The following CHM variants were observed in gnomAD, a reference collection of about 807,000 sequenced individuals.
The protein encoded by CHM is CHM Rab escort protein, also known as rab proteins geranylgeranyltransferase component A 1.
Under a neutral mutation model 49.0 loss-of-function variants are expected in CHM, and 10 were observed. The ratio of observed to expected loss-of-function variants is 0.20; its 90% CI spans 0.13 to 0.35. CHM has a LOEUF of 0.35. CHM is among the 10% of genes least tolerant of loss of function. The probability of loss-of-function intolerance (pLI) is 1.00; values close to 1 mark genes in which losing one functional copy is unlikely to be tolerated. For synonymous variants in CHM, 184 were observed against 167.5 expected (o/e 1.10, Z -0.76); for missense variants, 455 against 478.4 (o/e 0.95, Z 0.46).
chrX:85,882,316 A>G (rs1924812116), intron 12 of CHM, among the ~76,000 whole-genome samples: 1 of 111,536 alleles, frequency 9.0e-6, no homozygotes, highest in African/African-American at 3.3e-5. Context: ...AACTTGCTCA[A>G]TACAGGCCAA....
At chrX:85,891,964 A>G (rs890761049) in intron 12 of CHM, among the ~76,000 whole-genome samples, 1 of 112,133 alleles carries the variant, frequency 8.9e-6, no homozygotes, top group Admixed American at 9.4e-5. Context: ...TGAGACCTGG[A>G]GTCAAAGGAG....
chrX:85,942,916 T>C (rs56109072), intron 8 of CHM, among the ~76,000 whole-genome samples: 16,927 of 62,165 alleles, frequency 0.27, 2,117 homozygotes, highest in African/African-American at 0.36. Flanking sequence ...CCCCCTCCCC[T>C]CACCCCTCAA....
intron 12 of CHM, among the ~76,000 whole-genome samples, chrX:85,893,808 T>C (rs1268152996): frequency 9.0e-6 from 1 of 111,432 alleles, no homozygotes; most frequent in African/African-American, 3.3e-5. Flanking sequence ...CTATTGTTTA[T>C]TATAAGTTAC....
At chrX:85,901,321 C>A in intron 9 of CHM, 133 bp from the exon 10 acceptor site, 1 of 441,705 alleles carries the variant, frequency 2.3e-6, no homozygotes, top group Non-Finnish European at 3.9e-6. Flanking sequence ...CCTACAATTC[C>A]ATGTTTTCTG....
intron 9 of CHM, among the ~76,000 whole-genome samples, chrX:85,910,970 T>C (rs780462829): frequency 3.3e-4 from 33 of 98,786 alleles, no homozygotes; most frequent in African/African-American, 1.1e-3. Flanking sequence ...AGTTTCTATA[T>C]TCTGAACTCA....
rs775266882 is a variant in CHM at position 85,938,816 on chromosome X, A to ATG, written c.1166+17335_1166+17336dup. ...TTCCGTTGCTATTTTAAGCTGATAT[A>ATG]TGTGTGTGTGTGTGTGTTTTTAATG... On this transcript the variant is annotated intron_variant, in intron 8 of 14. Coordinates refer to ENST00000357749, the MANE Select transcript of CHM (RefSeq NM_000390.4). Among the ~76,000 whole-genome samples, 732 of 109,497 alleles carry ATG rather than the reference A, an allele frequency of 6.7e-3. 4 individuals carry two copies. Among genetic ancestry groups the ATG allele is most frequent in the East Asian group, 0.021 (74 of 3,491 alleles).
intron 2 of CHM, among the ~76,000 whole-genome samples, chrX:85,997,172 G>A (rs1932477399): frequency 9.0e-6 from 1 of 111,554 alleles, no homozygotes; most frequent in South Asian, 3.8e-4. Context: ...AGGGATTATT[G>A]CATTGCGGCC....
Position 85,861,318 on chromosome X carries a change from C to T in CHM, c.*3312G>A, listed in dbSNP as rs1923340049. On this transcript the variant is annotated 3_prime_UTR_variant, in exon 15 of 15. Transcript: ENST00000357749. ...ATTCAATATCAATAGCAGTAAATAA[C>T]TTATTTGCAAGAAAATTATTACAAT... 1 of 111,718 alleles carries T rather than the reference C, an allele frequency of 9.0e-6. No individual in the cohort carries two copies. Among genetic ancestry groups the T allele is most frequent in the Non-Finnish European group, 1.9e-5 (1 of 53,071 alleles). The allele number at this position is 111,718 out of a possible 1,213,427, so 9.2% of individuals were successfully genotyped here. A position where few individuals can be genotyped will look rare whatever the true frequency, so the allele number is the denominator to read the frequency against.
In CHM at chrX:85,884,237, T is replaced by C. The variant is rs190676612; in HGVS notation, c.1511-5174A>G. On this transcript the variant is annotated intron_variant, in intron 12 of 14. Coordinates refer to ENST00000357749, the MANE Select transcript of CHM (RefSeq NM_000390.4). ...GGGGAGGAAAATTTAAGTGGACTTATAGATTTTACAAAACATAACTTTACT... is the reference window on the plus strand; with the variant it reads ...GGGGAGGAAAATTTAAGTGGACTTACAGATTTTACAAAACATAACTTTACT... Among the ~76,000 whole-genome samples, 196 of 111,077 alleles carry C rather than the reference T, an allele frequency of 1.8e-3. 1 individual carries two copies. Among genetic ancestry groups the C allele is most frequent in the African/African-American group, 6.0e-3 (184 of 30,740 alleles).
In CHM at chrX:85,913,340, G is replaced by A. The variant is rs541392108; in HGVS notation, c.1167-2002C>T. Among the ~76,000 whole-genome samples, 264 of 50,343 alleles carry A rather than the reference G, an allele frequency of 5.2e-3. 4 individuals are homozygous for A. The highest frequency in any genetic ancestry group is 9.1e-3 in the Non-Finnish European group (216 of 23,795). The allele number at this position is 50,343 out of a possible 115,157, so 43.7% of individuals were successfully genotyped here. ...AAAAAAAAAAAAAAAAAAAAAGAAA[G>A]AAAGAAAGAAAGAAAGAAAGAAAGA... is the stretch of plus-strand genomic sequence containing the variant. On this transcript the variant is annotated intron_variant, in intron 8 of 14. Transcript: ENST00000357749.
intron 2 of CHM, among the ~76,000 whole-genome samples, chrX:86,009,905 A>AT (rs948929045): frequency 9.0e-6 from 1 of 110,509 alleles, no homozygotes; most frequent in Non-Finnish European, 1.9e-5. Context: ...ACAGAATAAC[A>AT]TTTTTTTAAA....
intron 14 of CHM, among the ~76,000 whole-genome samples, chrX:85,867,144 G>A (rs752127567): frequency 8.9e-6 from 1 of 111,926 alleles, no homozygotes; most frequent in Non-Finnish European, 1.9e-5. Context: ...ATTTGCAATT[G>A]TAATCCACAA....
chrX:85,918,368 G>A (rs1186646468), intron 8 of CHM, among the ~76,000 whole-genome samples: 2 of 111,597 alleles, frequency 1.8e-5, no homozygotes, highest in Non-Finnish European at 3.8e-5. Context: ...AAGGGAATTC[G>A]TTACCACCAC....
intron 8 of CHM, among the ~76,000 whole-genome samples, chrX:85,941,075 T>A (rs185314599): frequency 1.8e-4 from 20 of 111,701 alleles, no homozygotes; most frequent in African/African-American, 6.5e-4. Flanking sequence ...CCTAGAAGAG[T>A]ATTATGCAGA....
At chrX:85,947,024 G>A (rs1368460319) in intron 8 of CHM, among the ~76,000 whole-genome samples, 1 of 112,505 alleles carries the variant, frequency 8.9e-6, no homozygotes, top group African/African-American at 3.2e-5. Flanking sequence ...AACCCCCATT[G>A]TATCTTGGAA....
chrX:86,025,737 C>T (rs1283027317), intron 2 of CHM, among the ~76,000 whole-genome samples: 1 of 93,549 alleles, frequency 1.1e-5, no homozygotes, highest in Non-Finnish European at 2.2e-5. Flanking sequence ...AAAAAAAAAA[C>T]ACATACCTAC....
chrX:85,967,608 A>G (rs1202046356), intron 4 of CHM, among the ~76,000 whole-genome samples: 1 of 112,204 alleles, frequency 8.9e-6, no homozygotes, highest in Non-Finnish European at 1.9e-5. Context: ...ATCTAAAGGA[A>G]AACAATCTGC....
At chrX:85,981,104 T>C (rs1013985962) in intron 3 of CHM, among the ~76,000 whole-genome samples, 3 of 108,007 alleles carry the variant, frequency 2.8e-5, no homozygotes, top group Non-Finnish European at 5.7e-5. Flanking sequence ...TTTCTAAAGA[T>C]GATTTTGGGG....
rs753958657 is a variant in CHM at position 85,963,839 on chromosome X, C to T, written c.528G>A (p.Gly176=). 11 of 1,211,116 alleles carry T rather than the reference C, an allele frequency of 9.1e-6. No homozygotes were observed. The highest frequency in any genetic ancestry group is 8.8e-5 in the South Asian group (5 of 56,938). The change falls in exon 5 of 15, where the codon GGG becomes GGA. Residue 176 remains glycine, a synonymous_variant. Transcript: ENST00000357749. ...TATCATCACAATGGTTTTCTTTTTCCCCTGTCACTTCAGCACCATTTACTT... is the reference window on the plus strand; with the variant it reads ...TATCATCACAATGGTTTTCTTTTTCTCCTGTCACTTCAGCACCATTTACTT... The part of the protein sequence containing the change: ...ALEVNGAEVT[G]EKENHCDDKT...
Sources: gnomAD v4.1 joint callset for allele counts (sites outside exome capture counted in the v4.1 genomes callset) on GRCh38, gnomAD v4.1.1 for gene constraint, MANE v1.5 for transcripts, NCBI Gene and HGNC (gene_info 2026-07-23, HGNC 2026-07-21) for gene names.